The following GAREM1 variants were observed in gnomAD, a reference collection of about 807,000 sequenced individuals.
GAREM1 encodes GRB2 associated regulator of MAPK1 subtype 1, also known as GRB2-associated and regulator of MAPK protein 1.
In GAREM1, 26 loss-of-function variants were observed where a neutral mutation model predicts 71.3. That is an observed-to-expected ratio of 0.36 (90% confidence interval 0.27 to 0.51). The LOEUF (loss-of-function observed/expected upper bound fraction) is 0.51, where lower values mean the gene tolerates loss of function less well. Ranked by LOEUF, GAREM1 falls within the 20% of genes least tolerant of loss-of-function variation. GAREM1 has a pLI of 0.95. For missense variants in GAREM1, 1,026 were observed against 1,103.1 expected, an observed-to-expected ratio of 0.93 and a Z score of 0.99; for synonymous variants, 440 against 433.2, an observed-to-expected ratio of 1.02 and a Z score of -0.20.
intron 2 of GAREM1, among the ~76,000 whole-genome samples, chr18:32,325,405 G>A (rs538381910): frequency 6.6e-6 from 1 of 152,236 alleles, no homozygotes; most frequent in African/African-American, 2.4e-5. Context: ...CAGGTTCATC[G>A]ATTGTCACAA....
chr18:32,300,478 A>G (rs1026017699), intron 3 of GAREM1, among the ~76,000 whole-genome samples: 4 of 152,276 alleles, frequency 2.6e-5, no homozygotes, highest in Non-Finnish European at 5.9e-5. Context: ...TATGCAGAGC[A>G]AAGTCTACTA....
At chr18:32,269,127 G>A (rs1048297392) in intron 5 of GAREM1, among the ~76,000 whole-genome samples, 9 of 152,160 alleles carry the variant, frequency 5.9e-5, no homozygotes, top group Non-Finnish European at 1.3e-4. Flanking sequence ...TGCAGTGAGC[G>A]AGGGTAGAAG....
chr18:32,298,653 G>A (rs887477283), intron 3 of GAREM1, among the ~76,000 whole-genome samples: 1 of 152,102 alleles, frequency 6.6e-6, no homozygotes, highest in Non-Finnish European at 1.5e-5. Flanking sequence ...GCTTGTGGAC[G>A]CGCACACATT....
At chr18:32,342,773 A>G (rs999973381) in intron 2 of GAREM1, among the ~76,000 whole-genome samples, 1 of 152,250 alleles carries the variant, frequency 6.6e-6, no homozygotes, top group African/African-American at 2.4e-5. Flanking sequence ...TGTTGAATAA[A>G]TGAAGGGGGT....
intron 1 of GAREM1, chr18:32,412,038 A>G (rs1050973198): frequency 8.8e-5 from 60 of 684,328 alleles, no homozygotes; most frequent in Admixed American, 1.0e-4. Flanking sequence ...AATTAGTCAC[A>G]AACACAGTCC....
intron 2 of GAREM1, among the ~76,000 whole-genome samples, chr18:32,392,021 C>G (rs1399990015): frequency 6.6e-6 from 1 of 152,270 alleles, no homozygotes; most frequent in Non-Finnish European, 1.5e-5. Flanking sequence ...CAAATAATAA[C>G]TCTCTGTGCA....
At chr18:32,322,332 T>C (rs548624738) in intron 2 of GAREM1, among the ~76,000 whole-genome samples, 1 of 152,322 alleles carries the variant, frequency 6.6e-6, no homozygotes, top group East Asian at 1.9e-4. Context: ...CTCCAAGATC[T>C]GGCTCTCACT....
chr18:32,450,874 CTT>C (rs146085562), intron 1 of GAREM1, among the ~76,000 whole-genome samples: 2,023 of 152,246 alleles, frequency 0.013, 38 homozygotes, highest in African/African-American at 0.046. Context: ...CATATTCTGT[CTT>C]TCCTCAACAG....
intron 4 of GAREM1, among the ~76,000 whole-genome samples, chr18:32,283,967 C>A (rs567365587): frequency 3.9e-5 from 6 of 152,326 alleles, no homozygotes; most frequent in African/African-American, 1.2e-4. Context: ...TCTTTAATTA[C>A]TGGGTAGGAT....
At chr18:32,319,459 C>T (rs2047409846) in intron 2 of GAREM1, among the ~76,000 whole-genome samples, 1 of 152,148 alleles carries the variant, frequency 6.6e-6, no homozygotes, top group African/African-American at 2.4e-5. Flanking sequence ...TGTATGGCAC[C>T]AACCAATATA....
At chr18:32,376,118 C>A (rs1217141352) in intron 2 of GAREM1, among the ~76,000 whole-genome samples, 2 of 152,090 alleles carry the variant, frequency 1.3e-5, no homozygotes, top group African/African-American at 4.8e-5. Context: ...TGATAAAATC[C>A]TCCATGTAAA....
intron 2 of GAREM1, among the ~76,000 whole-genome samples, chr18:32,371,164 G>A (rs1042508339): frequency 6.6e-6 from 1 of 152,060 alleles, no homozygotes; most frequent in Admixed American, 6.5e-5. Context: ...GAGGTGACAT[G>A]GCATGTGCAG....
At chr18:32,268,907 G>A (rs62093961) in intron 5 of GAREM1, 139 bp from the exon 6 acceptor site, 12 of 640,010 alleles carry the variant, frequency 1.9e-5, no homozygotes, top group African/African-American at 1.7e-4. Flanking sequence ...TAACTTCACT[G>A]GGTTTTTTTT....
chr18:32,452,219 T>G (rs976684786), intron 1 of GAREM1, among the ~76,000 whole-genome samples: 2 of 152,160 alleles, frequency 1.3e-5, no homozygotes, highest in Non-Finnish European at 1.5e-5. Flanking sequence ...ATTTTTATAA[T>G]AGAGTTCATC....
chr18:32,415,009 T>C (rs578258030), intron 1 of GAREM1, among the ~76,000 whole-genome samples: 1 of 151,466 alleles, frequency 6.6e-6, no homozygotes, highest in Non-Finnish European at 1.5e-5. Flanking sequence ...AAATTTGAAA[T>C]AAAAAAAGGA....
At chr18:32,308,434 A>G (rs2047279390) in intron 3 of GAREM1, among the ~76,000 whole-genome samples, 1 of 150,398 alleles carries the variant, frequency 6.6e-6, no homozygotes, top group Non-Finnish European at 1.5e-5. Flanking sequence ...AAAATCTTTA[A>G]AAATCACTTA....
intron 3 of GAREM1, among the ~76,000 whole-genome samples, chr18:32,294,477 G>A (rs2047120274): frequency 6.6e-6 from 1 of 152,112 alleles, no homozygotes; most frequent in African/African-American, 2.4e-5. Flanking sequence ...ATAAACTTTA[G>A]AATCATTTTT....
intron 2 of GAREM1, among the ~76,000 whole-genome samples, chr18:32,352,952 A>C (rs2144595113): frequency 6.6e-6 from 1 of 152,340 alleles, no homozygotes; most frequent in South Asian, 2.1e-4. Flanking sequence ...CAGACATAAA[A>C]TATAAACAAC....
intron 4 of GAREM1, among the ~76,000 whole-genome samples, chr18:32,273,009 T>C (rs957301345): frequency 2.0e-5 from 3 of 152,236 alleles, no homozygotes; most frequent in Non-Finnish European, 4.4e-5. Flanking sequence ...GATGTGTTTC[T>C]TTCTTAGGGA....
Sources: gnomAD v4.1 joint callset for allele counts (sites outside exome capture counted in the v4.1 genomes callset) on GRCh38, gnomAD v4.1.1 for gene constraint, MANE v1.5 for transcripts, NCBI Gene and HGNC (gene_info 2026-07-23, HGNC 2026-07-21) for gene names.